The following ST6GAL1 variants were observed in gnomAD, a reference collection of about 807,000 sequenced individuals.
ST6GAL1 encodes the protein ST6 beta-galactoside alpha-2,6-sialyltransferase 1.
Under a neutral mutation model 38.0 loss-of-function variants are expected in ST6GAL1, and 20 were observed. The observed-to-expected ratio is 0.53, with a 90% CI of 0.37 to 0.77. The LOEUF (loss-of-function observed/expected upper bound fraction) is 0.77. ST6GAL1 is among the 30% of genes least tolerant of loss of function. The probability of loss-of-function intolerance (pLI) is 0.00; values close to 1 mark genes in which losing one functional copy is unlikely to be tolerated. For missense variants in ST6GAL1, 432 were observed against 496.4 expected, an observed-to-expected ratio of 0.87 and a Z score of 1.23; for synonymous variants, 196 against 188.2, an observed-to-expected ratio of 1.04 and a Z score of -0.34.
chr3:187,031,282 G>C (rs1290962690), intron 2 of ST6GAL1, among the ~76,000 whole-genome samples: 3 of 152,114 alleles, frequency 2.0e-5, no homozygotes, highest in Non-Finnish European at 4.4e-5. Flanking sequence ...AGCTGCAAAG[G>C]CATGAAAGAG....
chr3:186,976,694 T>C (rs1715531874), intron 2 of ST6GAL1, among the ~76,000 whole-genome samples: 1 of 152,196 alleles, frequency 6.6e-6, no homozygotes, highest in South Asian at 2.1e-4. Context: ...CTTCCCAAAG[T>C]GCTGAGATTA....
chr3:187,005,570 C>T (rs1044190898), intron 2 of ST6GAL1, among the ~76,000 whole-genome samples: 10 of 152,090 alleles, frequency 6.6e-5, no homozygotes, highest in African/African-American at 2.2e-4. Context: ...CCACGGCGCC[C>T]GGCATCTGTC....
At chr3:187,036,373 A>G (rs1235639293) in intron 2 of ST6GAL1, among the ~76,000 whole-genome samples, 5 of 152,240 alleles carry the variant, frequency 3.3e-5, no homozygotes, top group African/African-American at 1.2e-4. Context: ...CAGAACTACT[A>G]TTCAACTCAG....
chr3:187,016,678 G>T (rs967367), intron 2 of ST6GAL1, among the ~76,000 whole-genome samples: 1 of 152,058 alleles, frequency 6.6e-6, no homozygotes, highest in African/African-American at 2.4e-5. Context: ...TGTTCTTCAG[G>T]TGTGGTAAGG....
At chr3:186,991,983 A>G (rs762978703) in intron 2 of ST6GAL1, among the ~76,000 whole-genome samples, 1 of 152,154 alleles carries the variant, frequency 6.6e-6, no homozygotes, top group African/African-American at 2.4e-5. Context: ...CTGACCTCCC[A>G]TATGGCCAAA....
intron 4 of ST6GAL1, among the ~76,000 whole-genome samples, chr3:187,044,375 A>G (rs1718227429): frequency 6.6e-6 from 1 of 152,202 alleles, no homozygotes; most frequent in African/African-American, 2.4e-5. Flanking sequence ...CTGCCAGGAA[A>G]AATGGTCTGA....
At chr3:187,067,214 G>C (rs1287366159) in intron 5 of ST6GAL1, among the ~76,000 whole-genome samples, 5 of 149,328 alleles carry the variant, frequency 3.3e-5, no homozygotes, top group African/African-American at 1.2e-4. Flanking sequence ...AGCCTTCTGA[G>C]TAGCTGAGAT....
intron 4 of ST6GAL1, among the ~76,000 whole-genome samples, chr3:187,045,597 G>T (rs1456500927): frequency 6.6e-6 from 1 of 152,148 alleles, no homozygotes; most frequent in Non-Finnish European, 1.5e-5. Context: ...GTCTCATTTT[G>T]CTGGAGAGCT....
At chr3:186,974,612 G>A (rs1239691046) in intron 2 of ST6GAL1, among the ~76,000 whole-genome samples, 1 of 151,998 alleles carries the variant, frequency 6.6e-6, no homozygotes, top group Non-Finnish European at 1.5e-5. Context: ...GTCAGCTTTA[G>A]ATGCAAAAGA....
rs9849155 is a variant in ST6GAL1, at chr3:186,937,965, T to C, written c.-325+7131T>C. On this transcript the variant is annotated intron_variant, in intron 1 of 7. Coordinates refer to ENST00000169298, the MANE Select transcript of ST6GAL1 (RefSeq NM_173216.2). ...GGCGGGTGCCTATAATCCCAGTTACTCAGGAGGCTGAGGTGGGAGAATTGC... is the reference window on the plus strand; with the variant it reads ...GGCGGGTGCCTATAATCCCAGTTACCCAGGAGGCTGAGGTGGGAGAATTGC... 7.8e-4 allele frequency among the ~76,000 whole-genome samples: 118 copies of C among 152,172 alleles called. 1 individual carries two copies. The highest frequency in any genetic ancestry group is 1.4e-3 in the Non-Finnish European group (96 of 68,000).
intron 1 of ST6GAL1, among the ~76,000 whole-genome samples, chr3:186,937,047 G>A (rs35852078): frequency 0.62 from 92,684 of 149,916 alleles, 28,707 homozygotes; most frequent in African/African-American, 0.67. Context: ...CTATCCAAAG[G>A]CAACCCCTCT....
At chr3:186,984,129 T>C (rs891852462) in intron 2 of ST6GAL1, among the ~76,000 whole-genome samples, 1 of 151,418 alleles carries the variant, frequency 6.6e-6, no homozygotes, top group Non-Finnish European at 1.5e-5. Context: ...CTTGGAATCA[T>C]CCTTGACTCT....
intron 4 of ST6GAL1, among the ~76,000 whole-genome samples, chr3:187,047,100 C>T (rs2108583470): frequency 6.6e-6 from 1 of 152,224 alleles, no homozygotes; most frequent in South Asian, 2.1e-4. Context: ...TGCCTGCCAC[C>T]ACGCCTGGCT....
intron 5 of ST6GAL1, among the ~76,000 whole-genome samples, chr3:187,051,899 C>G (rs1391184149): frequency 6.6e-6 from 1 of 152,086 alleles, no homozygotes; most frequent in Non-Finnish European, 1.5e-5. Flanking sequence ...GAGAAATATT[C>G]TTGCCACAGG....
chr3:186,937,239 G>C (rs1713993299), intron 1 of ST6GAL1, among the ~76,000 whole-genome samples: 1 of 152,126 alleles, frequency 6.6e-6, no homozygotes, highest in Non-Finnish European at 1.5e-5. Flanking sequence ...CATATCAGCT[G>C]TTCGGCGTCT....
intron 5 of ST6GAL1, among the ~76,000 whole-genome samples, chr3:187,060,751 G>A (rs1402380255): frequency 6.6e-6 from 1 of 152,194 alleles, no homozygotes; most frequent in African/African-American, 2.4e-5. Context: ...TCTTTCTTGT[G>A]TAACTTGGCA....
chr3:187,054,250 G>A (rs547180899), intron 5 of ST6GAL1, among the ~76,000 whole-genome samples: 186 of 152,258 alleles, frequency 1.2e-3, no homozygotes, highest in Non-Finnish European at 9.7e-4. Context: ...TGCAAACAGG[G>A]ACAGTTCGAC....
chr3:186,956,125 C>T (rs911946608), intron 1 of ST6GAL1, among the ~76,000 whole-genome samples: 6 of 152,034 alleles, frequency 3.9e-5, no homozygotes, highest in Non-Finnish European at 5.9e-5. Context: ...ATCTCAACTG[C>T]CTCATTTTTT....
intron 4 of ST6GAL1, among the ~76,000 whole-genome samples, chr3:187,047,951 T>C (rs964955226): frequency 6.6e-6 from 1 of 151,456 alleles, no homozygotes; most frequent in African/African-American, 2.4e-5. Context: ...CCTTTCTTTT[T>C]TTTTTTTTTG....
Sources: allele counts gnomAD v4.1 joint callset (sites outside exome capture counted in the v4.1 genomes callset), GRCh38; gene constraint gnomAD v4.1.1; transcripts MANE v1.5; gene names NCBI Gene and HGNC (gene_info 2026-07-23, HGNC 2026-07-21).